THNSL2: variants seen among roughly 807,000 people sequenced by gnomAD.
THNSL2 encodes threonine synthase-like 2.
A neutral mutation model predicts 40.0 loss-of-function variants in THNSL2; 34 were observed. The ratio of observed to expected loss-of-function variants is 0.85; its 90% confidence interval spans 0.65 to 1.13. THNSL2 has a LOEUF of 1.13. Among genes scored for constraint, THNSL2 ranks in the 50% most tolerant of loss-of-function variants. The pLI is 0.00. For missense variants in THNSL2, 537 were observed against 608.8 expected (o/e 0.88, Z 1.24); for synonymous variants, 241 against 247.5 (o/e 0.97, Z 0.25).
chr2:88,175,338 T>G lies in THNSL2; in HGVS notation c.508T>G (p.Cys170Gly). Residue 170 changes from cysteine to glycine, a missense_variant, in exon 4 of 9, where the codon TGC (cysteine) becomes GGC (glycine). Transcript: ENST00000674334. ...TATCGTTCTGCTGCCCAAAGGTCAC[T>G]GCACAAAGATTCAGGAGCTCCAGAT... ...DIIVLLPKGHCTKIQELQMTT... is the reference protein window; with the variant it reads ...DIIVLLPKGHGTKIQELQMTT... The G allele has an allele frequency of 6.2e-7, 1 of 1,614,194 alleles. No homozygotes were observed. Among genetic ancestry groups the G allele is most frequent in the African/African-American group, 1.3e-5 (1 of 75,054 alleles).
At position 88,185,319 on chromosome 2, in the gene THNSL2, AC is replaced by A. The variant is rs763331206; in HGVS notation, c.1078-6del. ...CCACACCTCATCTTTCTGACCTGGGACCCTTCAGCTTTCAGAGGCAGTGACA... is the reference window on the plus strand; with the variant it reads ...CCACACCTCATCTTTCTGACCTGGGACCTTCAGCTTTCAGAGGCAGTGACA... On this transcript the variant is annotated splice_region_variant and splice_polypyrimidine_tract_variant and intron_variant, in intron 7 of 8. Transcript: ENST00000674334. 2 of 1,609,676 alleles carry A rather than the reference AC, an allele frequency of 1.2e-6. No individual in the cohort carries two copies. Among genetic ancestry groups the A allele is most frequent in the South Asian group, 2.2e-5 (2 of 90,380 alleles).
Position 88,185,365 on chromosome 2 carries a change from A to C in THNSL2, c.1115A>C (p.Glu372Ala). Residue 372 changes from glutamate to alanine, a missense_variant, in exon 8 of 9, where the codon GAA (glutamate) becomes GCA (alanine). Transcript: ENST00000674334. ...GTGACATCCGTGTCAGTGTCGGATGAAGCCATCACCCAGACCATGGGCCGC... is the reference window on the plus strand; with the variant it reads ...GTGACATCCGTGTCAGTGTCGGATGCAGCCATCACCCAGACCATGGGCCGC... Reference protein sequence around the residue: ...EAVTSVSVSDEAITQTMGRCW... With the variant: ...EAVTSVSVSDAAITQTMGRCW... 6.2e-7 allele frequency: 1 copy of C among 1,613,960 alleles called. No individual in the cohort carries two copies. Among genetic ancestry groups the C allele is most frequent in the Non-Finnish European group, 8.5e-7 (1 of 1,179,992 alleles).
intron 4 of THNSL2, among the ~76,000 whole-genome samples, chr2:88,177,853 C>T (rs565134888): frequency 6.6e-6 from 1 of 152,284 alleles, no homozygotes; most frequent in East Asian, 1.9e-4. Context: ...ATGAGAGTAC[C>T]AGGCACTGAT....
At chr2:88,183,330 G>T in intron 7 of THNSL2, 3 of 373,968 alleles carry the variant, frequency 8.0e-6, no homozygotes, top group South Asian at 7.6e-5. Flanking sequence ...TCTGTGCCTT[G>T]GTTCCTTCGT....
intron 5 of THNSL2, among the ~76,000 whole-genome samples, chr2:88,180,361 T>G (rs1677402580): frequency 1.3e-5 from 2 of 152,218 alleles, no homozygotes; most frequent in South Asian, 4.1e-4. Context: ...AAGTTGAGAT[T>G]AGTAGTTCGA....
At position 88,182,187 on chromosome 2, in the gene THNSL2, CTT is replaced by C. The variant is rs144381905; in HGVS notation, c.803-511_803-510del. Among the ~76,000 whole-genome samples, 980 of 152,326 alleles carry C rather than the reference CTT, an allele frequency of 6.4e-3. 4 individuals are homozygous for C. The highest frequency in any genetic ancestry group is 0.017 in the Middle Eastern group (5 of 294). On this transcript the variant is annotated intron_variant, in intron 5 of 8. Coordinates refer to ENST00000674334, the MANE Select transcript of THNSL2 (RefSeq NM_018271.5). ...TTTAATATTTTAAGGAACTGACAGA[CTT>C]CAGTTTTCCAAAGTGGCTGCACCAT...
Position 88,186,572 on chromosome 2 carries a change from C to T in THNSL2, c.*449C>T, listed in dbSNP as rs865996999. ...AGGTTCTGGCCCACCTTGTCAGAGG[C>T]TTCCACCCTGCTCACATGTTGGGAA... On this transcript the variant is annotated 3_prime_UTR_variant, in exon 9 of 9. Coordinates refer to ENST00000674334, the MANE Select transcript of THNSL2 (RefSeq NM_018271.5). The T allele has an allele frequency of 5.2e-6, 1 of 191,078 alleles. No individual in the cohort carries two copies. The highest frequency in any genetic ancestry group is 2.3e-5 in the African/African-American group (1 of 43,634). 11.8% of individuals were successfully genotyped at this position (191,078 alleles called of 1,614,324 possible).
intron 7 of THNSL2, 40 bp from the exon 8 acceptor site, chr2:88,185,288 C>A: frequency 3.8e-6 from 6 of 1,580,814 alleles, no homozygotes; most frequent in Non-Finnish European, 5.2e-6. Flanking sequence ...TCCCTACATC[C>A]CCCCCCCACA....
At position 88,175,352 on chromosome 2, in the gene THNSL2, G is replaced by A. The variant is rs1482483597; in HGVS notation, c.522G>A (p.Gln174=). The change falls in exon 4 of 9, where the codon CAG becomes CAA. Residue 174 remains glutamine (Q), a synonymous_variant. Transcript: ENST00000674334. ...LLPKGHCTKI[Q]ELQMTTVLKQ... ...CCAAAGGTCACTGCACAAAGATTCA[G>A]GAGCTCCAGATGACAACGGTGCTGA... The A allele has an allele frequency of 1.2e-6, 2 of 1,614,198 alleles. No individual in the cohort carries two copies. Among genetic ancestry groups the A allele is most frequent in the South Asian group, 2.2e-5 (2 of 91,084 alleles).
chr2:88,186,315 G>A lies in THNSL2; in HGVS notation c.*192G>A. 4 of 619,674 alleles carry A rather than the reference G, an allele frequency of 6.5e-6. No homozygotes were observed. Among genetic ancestry groups the A allele is most frequent in the Admixed American group, 5.8e-5 (2 of 34,428 alleles). 38.4% of individuals were successfully genotyped at this position (619,674 alleles called of 1,614,324 possible). On this transcript the variant is annotated 3_prime_UTR_variant, in exon 9 of 9. Transcript: ENST00000674334. ...TGGTCACCAGGGAGGCTGAGTGAGG[G>A]GCTGTGAACAGTTGCCGGAAGCACC...
At position 88,185,495 on chromosome 2, in the gene THNSL2, G is replaced by A. The variant is rs756147975; in HGVS notation, c.1229+16G>A. The A allele has an allele frequency of 2.5e-6, 4 of 1,595,614 alleles. No individual in the cohort carries two copies. In the African/African-American group the frequency reaches 4.0e-5, roughly 16 times the overall value. ...AGCAGCCCAGGTACAGGCAATGGGG[G>A]CCTGGGCCACTGAGGGACCATTTGA... On this transcript the variant is annotated intron_variant, in intron 8 of 8. Coordinates refer to ENST00000674334, the MANE Select transcript of THNSL2 (RefSeq NM_018271.5).
chr2:88,185,295 C>A lies in THNSL2; in HGVS notation c.1078-33C>A, dbSNP rs201472359. On this transcript the variant is annotated intron_variant, in intron 7 of 8. Transcript: ENST00000674334. ...GTCATCTTTCCCTACATCCCCCCCC[C>A]ACACCTCATCTTTCTGACCTGGGAC... 1.4e-4 allele frequency: 227 copies of A among 1,594,668 alleles called. No individual in the cohort carries two copies. In the African/African-American group the frequency reaches 2.3e-3, roughly 16 times the overall value.
chr2:88,185,343 A>T lies in THNSL2; in HGVS notation c.1093A>T (p.Thr365Ser), dbSNP rs1308983459. 3.1e-6 allele frequency: 5 copies of T among 1,613,348 alleles called. No homozygotes were observed. The highest frequency in any genetic ancestry group is 4.2e-6 in the Non-Finnish European group (5 of 1,179,770). Residue 365 changes from threonine to serine, a missense_variant, in exon 8 of 9, where the codon ACA becomes TCA. Coordinates refer to ENST00000674334, the MANE Select transcript of THNSL2 (RefSeq NM_018271.5). ...ELHSKLSEAV[T>S]SVSVSDEAIT... is the part of the protein sequence containing the mutation. The stretch of plus-strand genomic sequence containing the variant: ...GACCCTTCAGCTTTCAGAGGCAGTG[A>T]CATCCGTGTCAGTGTCGGATGAAGC...
intron 2 of THNSL2, among the ~76,000 whole-genome samples, chr2:88,173,980 TG>T (rs1487794344): frequency 6.6e-6 from 1 of 152,098 alleles, no homozygotes; most frequent in East Asian, 1.9e-4. Flanking sequence ...AATGTAATGG[TG>T]GTGGTTTGGG....
chr2:88,170,414 T>TCGCGCCCCGCGCCTCGCGCCCCGCGCCC lies in THNSL2; in HGVS notation c.-42_-41insTCGCGCCCCGCGCCCCGCGCCCCGCGCC. Reference sequence around the variant, plus strand: ...GGGCAGCCCTGCTGCGCACCGGGCCTCGCGCCCCGCGCCCCGCGCCCCGCG... The same window carrying TCGCGCCCCGCGCCTCGCGCCCCGCGCCC: ...GGGCAGCCCTGCTGCGCACCGGGCCTCGCGCCCCGCGCCTCGCGCCCCGCGCCCCGCGCCCCGCGCCCCGCGCCCCGCG... On this transcript the variant is annotated 5_prime_UTR_variant, in exon 1 of 9. Coordinates refer to ENST00000674334, the MANE Select transcript of THNSL2 (RefSeq NM_018271.5). The TCGCGCCCCGCGCCTCGCGCCCCGCGCCC allele has an allele frequency of 6.7e-6, 1 of 149,162 alleles. No individual in the cohort carries two copies. Among genetic ancestry groups the TCGCGCCCCGCGCCTCGCGCCCCGCGCCC allele is most frequent in the East Asian group, 2.0e-4 (1 of 4,988 alleles). 9.2% of individuals were successfully genotyped at this position (149,162 alleles called of 1,614,324 possible). A position where few individuals can be genotyped will look rare whatever the true frequency, so the allele number is the denominator to read the frequency against.
chr2:88,174,897 G>A, intron 3 of THNSL2, 64 bp downstream of exon 3: 1 of 1,561,616 alleles, frequency 6.4e-7, no homozygotes, highest in African/African-American at 1.3e-5. Context: ...TCCACCTATA[G>A]GATGCTGTTC....
intron 4 of THNSL2, chr2:88,177,189 C>T (rs1192535471): frequency 6.6e-6 from 1 of 152,202 alleles, no homozygotes; most frequent in Non-Finnish European, 1.5e-5. Context: ...AAATGAGAAA[C>T]TAAGACAGCA....
Position 88,174,814 on chromosome 2 carries a change from G to C in THNSL2, c.399G>C (p.Lys133Asn), listed in dbSNP as rs777097903. The change falls in exon 3 of 9, where the codon AAG (lysine) becomes AAC (asparagine). Residue 133 changes from lysine to asparagine, a missense_variant. Transcript: ENST00000674334. ...AGTACTTCCTGGAGAAGAGGGAGAA[G>C]CACGTCACTGTGGTTGTAGGTGTGT... The part of the protein sequence containing the change: ...FLQYFLEKRE[K>N]HVTVVVGTSG... The C allele has an allele frequency of 6.2e-7, 1 of 1,614,158 alleles. No homozygotes were observed. Among genetic ancestry groups the C allele is most frequent in the Non-Finnish European group, 8.5e-7 (1 of 1,179,994 alleles).
At chr2:88,173,841 G>T (rs1283326371) in intron 2 of THNSL2, among the ~76,000 whole-genome samples, 1 of 152,168 alleles carries the variant, frequency 6.6e-6, no homozygotes, top group East Asian at 1.9e-4. Flanking sequence ...GGGGGATCTT[G>T]TTAAAAACCA....
Sources: gnomAD v4.1 joint callset for allele counts (sites outside exome capture counted in the v4.1 genomes callset) on GRCh38, gnomAD v4.1.1 for gene constraint, MANE v1.5 for transcripts, NCBI Gene and HGNC (gene_info 2026-07-23, HGNC 2026-07-21) for gene names.